Variants in CUL4B observed in about 807,000 individuals in gnomAD.
The protein encoded by CUL4B is cullin-4B.
CUL4B carries 1 observed loss-of-function variant against 69.2 expected under a neutral mutation model. The ratio of observed to expected loss-of-function variants is 0.01; its 90% CI spans 0.01 to 0.07. CUL4B has a LOEUF of 0.07. Ranked by LOEUF, CUL4B falls within the 10% of genes least tolerant of loss-of-function variation. The probability of loss-of-function intolerance (pLI) is 1.00; values close to 1 mark genes in which losing one functional copy is unlikely to be tolerated. For missense variants in CUL4B, 328 were observed against 638.8 expected (o/e 0.51, Z 5.24); for synonymous variants, 237 against 223.2 (o/e 1.06, Z -0.55).
chrX:120,566,177 G>A (rs761681301), upstream of CUL4B, among the ~76,000 whole-genome samples: 13 of 106,006 alleles, frequency 1.2e-4, no homozygotes, highest in South Asian at 5.6e-3. Context: ...GGCTGCTGAG[G>A]AGGCCAAAGC....
At chrX:120,540,871 T>C (rs1923946794) in intron 10 of CUL4B, among the ~76,000 whole-genome samples, 1 of 112,057 alleles carries the variant, frequency 8.9e-6, no homozygotes, top group African/African-American at 3.2e-5. Context: ...TAACCACTCA[T>C]CTATAATCAC....
chrX:120,558,987 G>A (rs915775616), intron 1 of CUL4B, among the ~76,000 whole-genome samples: 3 of 111,164 alleles, frequency 2.7e-5, no homozygotes, highest in Non-Finnish European at 3.8e-5. Context: ...GAAACTGAGA[G>A]CCTGGGTATG....
At chrX:120,560,020 G>A (rs1242602284) in intron 1 of CUL4B, 63 bp downstream of exon 1, 1 of 1,210,184 alleles carries the variant, frequency 8.3e-7, no homozygotes, top group Non-Finnish European at 1.1e-6. Context: ...AACATAAATA[G>A]AGCACGTGAC....
At chrX:120,548,653 G>A (rs148244845) in intron 2 of CUL4B, among the ~76,000 whole-genome samples, 3,605 of 110,002 alleles carry the variant, frequency 0.033, 156 homozygotes, top group African/African-American at 0.11. Context: ...GGCCAACATA[G>A]TGAAACCCCG....
chrX:120,535,771 G>C (rs1266860790), intron 16 of CUL4B, 59 bp downstream of exon 16: 2 of 668,582 alleles, frequency 3.0e-6, no homozygotes, highest in Non-Finnish European at 4.9e-6. Flanking sequence ...AGTTAAGAAG[G>C]ATGACCTAAA....
rs1922938292 is a variant in CUL4B, at chrX:120,525,837, C to G, written c.*924G>C. Reference sequence around the variant, plus strand: ...TGGTCCAAGTTGAAGACAAAACTGTCCAAACAACATTTAAAGTCTAAAGTA... The same window carrying G: ...TGGTCCAAGTTGAAGACAAAACTGTGCAAACAACATTTAAAGTCTAAAGTA... On this transcript the variant is annotated 3_prime_UTR_variant, in exon 20 of 20. Coordinates refer to ENST00000371322, the MANE Select transcript of CUL4B (RefSeq NM_001079872.2). 1 of 111,952 alleles carries G rather than the reference C, an allele frequency of 8.9e-6. No homozygotes were observed. Among genetic ancestry groups the G allele is most frequent in the South Asian group, 3.6e-4 (1 of 2,753 alleles). 9.2% of individuals were successfully genotyped at this position (111,952 alleles called of 1,213,427 possible).
chrX:120,573,849 G>C (rs938617956), intron 2 of CUL4B, among the ~76,000 whole-genome samples: 2 of 110,830 alleles, frequency 1.8e-5, no homozygotes, highest in African/African-American at 6.6e-5. Context: ...TTTTTGAGAC[G>C]GAGTCCCACT....
intron 16 of CUL4B, 121 bp downstream of exon 16, chrX:120,535,704 CAAAAA>C (rs71820203): frequency 9.2e-4 from 174 of 188,458 alleles, no homozygotes; most frequent in Middle Eastern, 1.8e-3. Context: ...GACTCTGTCT[CAAAAA>C]AAAAAAAAAA....
intron 16 of CUL4B, among the ~76,000 whole-genome samples, chrX:120,535,548 C>CA (rs1232423296): frequency 1.9e-5 from 2 of 107,316 alleles, no homozygotes; most frequent in South Asian, 4.1e-4. Context: ...ACTAAAAATA[C>CA]AAAAAAAATT....
intron 2 of CUL4B, among the ~76,000 whole-genome samples, chrX:120,548,598 C>G (rs1924481398): frequency 9.0e-6 from 1 of 111,309 alleles, no homozygotes; most frequent in South Asian, 3.7e-4. Flanking sequence ...GTTTAGGAGG[C>G]TGAGGCGGGT....
chrX:120,564,357 A>C (rs1160453726), upstream of CUL4B, among the ~76,000 whole-genome samples: 1 of 110,340 alleles, frequency 9.1e-6, no homozygotes, highest in African/African-American at 3.3e-5. Context: ...TGTAATCCCA[A>C]AACTTTGGGA....
rs781476440 is a variant in CUL4B at position 120,526,764 on chromosome X, T to C, written c.2685A>G (p.Ala895=). Reference sequence around the variant, plus strand: ...CAAATGCTGCAAGGCCAACATTCTATGCAATATAGTTGTACTGGTTTGGAT... The same window carrying C: ...CAAATGCTGCAAGGCCAACATTCTACGCAATATAGTTGTACTGGTTTGGAT... ...KENPNQYNYI[A] Residue 895 remains alanine, a synonymous_variant, in exon 20 of 20, where the codon GCA becomes GCG. Transcript: ENST00000371322. The C allele has an allele frequency of 8.6e-7, 1 of 1,165,714 alleles. No individual in the cohort carries two copies. The highest frequency in any genetic ancestry group is 1.2e-6 in the Non-Finnish European group (1 of 858,103).
chrX:120,524,496 TAA>T lies in CUL4B; in HGVS notation c.*2263_*2264del, dbSNP rs1049889739. On this transcript the variant is annotated 3_prime_UTR_variant, in exon 20 of 20. Coordinates refer to ENST00000371322, the MANE Select transcript of CUL4B (RefSeq NM_001079872.2). ...ACCATTACAAAATTTTTAAAAAGTT[TAA>T]AAATAACAAAATCAACAAATGTGAG... 8.9e-6 allele frequency: 1 copy of T among 112,092 alleles called. No individual in the cohort carries two copies. The highest frequency in any genetic ancestry group is 3.2e-5 in the African/African-American group (1 of 30,907). The allele number at this position is 112,092 out of a possible 1,213,427, so 9.2% of individuals were successfully genotyped here.
At chrX:120,536,786 C>T in intron 15 of CUL4B, 141 bp downstream of exon 15, 1 of 473,396 alleles carries the variant, frequency 2.1e-6, no homozygotes, top group Non-Finnish European at 3.7e-6. Flanking sequence ...CACTTGAGCC[C>T]AAGAGTTCAA....
chrX:120,559,954 C>A (rs1925185133), intron 1 of CUL4B, 129 bp downstream of exon 1: 1 of 1,169,271 alleles, frequency 8.6e-7, no homozygotes, highest in African/African-American at 1.8e-5. Context: ...GACCTCCCCT[C>A]CACCTCATTG....
At chrX:120,537,082 T>C in intron 14 of CUL4B, 48 bp from the exon 15 acceptor site, 1 of 875,663 alleles carries the variant, frequency 1.1e-6, no homozygotes, top group Non-Finnish European at 1.7e-6. Flanking sequence ...CTGCATACAT[T>C]TCATATCATA....
chrX:120,550,337 C>CA (rs1263016099), intron 2 of CUL4B, among the ~76,000 whole-genome samples: 3 of 111,305 alleles, frequency 2.7e-5, no homozygotes, highest in Admixed American at 9.6e-5. Context: ...ATGAAGTATT[C>CA]AAAAAAAACT....
chrX:120,567,118 A>ATTTTTTTT (rs72483160), downstream of CUL4B, among the ~76,000 whole-genome samples: 1 of 55,297 alleles, frequency 1.8e-5, no homozygotes, highest in Admixed American at 2.2e-4. Context: ...GCCAATTTAG[A>ATTTTTTTT]TTTTTTTTTT....
chrX:120,543,424 C>G (rs1924121510), intron 8 of CUL4B, among the ~76,000 whole-genome samples: 1 of 109,916 alleles, frequency 9.1e-6, no homozygotes, highest in South Asian at 3.8e-4. Context: ...GGGGAATCCA[C>G]TGAATTTTAA....
Sources: gnomAD v4.1 joint callset for allele counts (sites outside exome capture counted in the v4.1 genomes callset) on GRCh38, gnomAD v4.1.1 for gene constraint, MANE v1.5 for transcripts, NCBI Gene and HGNC (gene_info 2026-07-23, HGNC 2026-07-21) for gene names.